KYAT1: variants seen among roughly 807,000 people sequenced by gnomAD.
KYAT1 encodes kynurenine aminotransferase 1, also known as kynurenine--oxoglutarate transaminase 1.
A neutral mutation model predicts 52.4 loss-of-function variants in KYAT1; 47 were observed. The observed-to-expected ratio is 0.90, with a 90% confidence interval of 0.71 to 1.14. The LOEUF (loss-of-function observed/expected upper bound fraction) is 1.14, where lower values mean the gene tolerates loss of function less well. Among genes scored for constraint, KYAT1 ranks in the 50% most tolerant of loss-of-function variants. The probability of loss-of-function intolerance (pLI) is 0.00; values close to 1 mark genes in which losing one functional copy is unlikely to be tolerated. For missense variants in KYAT1, 480 were observed against 557.9 expected (o/e 0.86, Z 1.41); for synonymous variants, 212 against 209.6 (o/e 1.01, Z -0.10).
intron 1 of KYAT1, chr9:128,847,651 TAACAACAACAACAAC>T (rs3834884): frequency 3.1e-5 from 17 of 554,462 alleles, no homozygotes; most frequent in Non-Finnish European, 4.5e-5. Flanking sequence ...GCTCTAACAA[TAACAACAACAACAAC>T]AACAACAACA....
At chr9:128,847,681 CAAT>C (rs1057239037) in intron 1 of KYAT1, 46 of 567,328 alleles carry the variant, frequency 8.1e-5, no homozygotes, top group Middle Eastern at 9.1e-4. Context: ...ACAACAACAA[CAAT>C]ATGGTCATTG....
intron 1 of KYAT1, among the ~76,000 whole-genome samples, chr9:128,861,106 G>C (rs1233842140): frequency 3.3e-5 from 5 of 152,206 alleles, no homozygotes; most frequent in Non-Finnish European, 5.9e-5. Context: ...TGCAAAGACC[G>C]TGATATCTGC....
At position 128,877,142 on chromosome 9, in the gene KYAT1, C is replaced by T. The variant is rs577821503; in HGVS notation, c.-7+4755G>A. ...TGAACTTCTGGCCTCTGGTGATCTG[C>T]CTGCCTTGACCTCCCAAATTGCTGG... On this transcript the variant is annotated intron_variant, in intron 1 of 12. Transcript: ENST00000302586. Among the ~76,000 whole-genome samples the T allele has an allele frequency of 5.3e-5, 8 of 152,268 alleles. No homozygotes were observed. The East Asian group carries it at 1.4e-3, about 26-fold the overall frequency.
At chr9:128,878,599 C>T (rs549562285) in intron 1 of KYAT1, among the ~76,000 whole-genome samples, 127 of 152,238 alleles carry the variant, frequency 8.3e-4, no homozygotes, top group African/African-American at 2.9e-3. Context: ...CCAATGTTTT[C>T]CTGGAGAGAA....
rs765371139 is a variant in KYAT1 at position 128,833,326 on chromosome 9, C to T, written c.*258G>A. 168 of 590,706 alleles carry T rather than the reference C, an allele frequency of 2.8e-4. 1 individual carries two copies. The highest frequency in any genetic ancestry group is 4.5e-4 in the Non-Finnish European group (149 of 332,374). The allele number at this position is 590,706 out of a possible 1,614,324, so 36.6% of individuals were successfully genotyped here. On this transcript the variant is annotated 3_prime_UTR_variant, in exon 13 of 13. Transcript: ENST00000302586. ...AAGCCTGGAGAGACCAGAAGCAACA[C>T]AAGACCCTACAAACCCACCTATGGA...
intron 3 of KYAT1, chr9:128,842,118 G>A: frequency 5.5e-6 from 2 of 362,804 alleles, no homozygotes; most frequent in Admixed American, 2.7e-5. Flanking sequence ...CTTGAGACTG[G>A]CAGGGTCAAG....
intron 1 of KYAT1, among the ~76,000 whole-genome samples, chr9:128,850,754 G>A (rs1833849082): frequency 6.6e-6 from 1 of 152,108 alleles, no homozygotes; most frequent in Middle Eastern, 3.2e-3. Flanking sequence ...CCTGCCCCTG[G>A]GAACTGAATG....
intron 1 of KYAT1, among the ~76,000 whole-genome samples, chr9:128,880,843 G>A (rs1188657119): frequency 6.6e-6 from 1 of 152,124 alleles, no homozygotes; most frequent in African/African-American, 2.4e-5. Flanking sequence ...ACTAGGCATT[G>A]GCTTAACACG....
chr9:128,875,752 C>T (rs1171200742), intron 1 of KYAT1, among the ~76,000 whole-genome samples: 2 of 152,172 alleles, frequency 1.3e-5, no homozygotes, highest in Admixed American at 1.3e-4. Context: ...TCTGGGGTAG[C>T]TCTCAGGCAT....
intron 2 of KYAT1, 49 bp downstream of exon 2, chr9:128,845,304 C>G: frequency 1.3e-6 from 2 of 1,552,800 alleles, no homozygotes; most frequent in East Asian, 4.5e-5. Context: ...GGATGGCCAA[C>G]CCATGCCCGA....
chr9:128,863,800 A>G (rs1835798817), intron 1 of KYAT1, among the ~76,000 whole-genome samples: 1 of 152,154 alleles, frequency 6.6e-6, no homozygotes, highest in Non-Finnish European at 1.5e-5. Flanking sequence ...GGCCCAGGTC[A>G]CAGAGCAACC....
At chr9:128,865,305 CTACATATATATA>C (rs1413990968) in intron 1 of KYAT1, among the ~76,000 whole-genome samples, 1 of 95,942 alleles carries the variant, frequency 1.0e-5, no homozygotes, top group African/African-American at 7.3e-5. Flanking sequence ...GTAGCAGAGC[CTACATATATATA>C]TATATATATA....
chr9:128,877,705 G>A (rs547364058), intron 1 of KYAT1, among the ~76,000 whole-genome samples: 258 of 152,286 alleles, frequency 1.7e-3, no homozygotes, highest in African/African-American at 5.9e-3. Context: ...CATCACTCAA[G>A]TCAATTATGA....
chr9:128,845,489 G>A (rs1832944663), intron 1 of KYAT1, 78 bp from the exon 2 acceptor site: 1 of 1,360,368 alleles, frequency 7.4e-7, no homozygotes. Flanking sequence ...AGGAGGGACA[G>A]CTGCTTTCAG....
chr9:128,846,047 G>A (rs1313972909), intron 1 of KYAT1, among the ~76,000 whole-genome samples: 1 of 152,208 alleles, frequency 6.6e-6, no homozygotes, highest in Admixed American at 6.5e-5. Flanking sequence ...CCGCTCCTCG[G>A]AGGGTCCCGG....
Position 128,838,046 on chromosome 9 carries a change from C to T in KYAT1, c.438+5G>A. The T allele has an allele frequency of 5.6e-6, 9 of 1,613,982 alleles. No individual in the cohort carries two copies. Among genetic ancestry groups the T allele is most frequent in the Non-Finnish European group, 7.6e-6 (9 of 1,179,876 alleles). On this transcript the variant is annotated splice_donor_5th_base_variant and intron_variant, in intron 5 of 12. Transcript: ENST00000302586. The stretch of plus-strand genomic sequence containing the variant: ...GCCCATCCATCCTCTACCTAGCATC[C>T]TTACCGGCTTCAGGGACACAAACAC...
intron 1 of KYAT1, among the ~76,000 whole-genome samples, chr9:128,851,060 T>C (rs1255570989): frequency 1.3e-5 from 2 of 152,174 alleles, no homozygotes; most frequent in African/African-American, 4.8e-5. Context: ...TAATAATCAA[T>C]AAAAAGTGAG....
At chr9:128,877,163 G>T (rs1246110172) in intron 1 of KYAT1, among the ~76,000 whole-genome samples, 2 of 152,108 alleles carry the variant, frequency 1.3e-5, no homozygotes, top group Non-Finnish European at 2.9e-5. Flanking sequence ...CTCCCAAATT[G>T]CTGGAATTAC....
chr9:128,849,166 A>G (rs532908544), intron 1 of KYAT1, among the ~76,000 whole-genome samples: 1 of 151,182 alleles, frequency 6.6e-6, no homozygotes, highest in East Asian at 2.0e-4. Context: ...AATTCCAGCA[A>G]TTTGGGAGGC....
Sources: allele counts gnomAD v4.1 joint callset (sites outside exome capture counted in the v4.1 genomes callset), GRCh38; gene constraint gnomAD v4.1.1; transcripts MANE v1.5; gene names NCBI Gene and HGNC (gene_info 2026-07-23, HGNC 2026-07-21).